WNT7B: variants seen among roughly 807,000 people sequenced by gnomAD.
WNT7B encodes Wnt family member 7B, also known as protein Wnt-7b.
WNT7B carries 19 observed loss-of-function variants against 38.2 expected under a neutral mutation model. That is an observed-to-expected ratio of 0.50 (90% CI 0.35 to 0.73). The LOEUF is 0.73. Ranked by LOEUF, WNT7B falls within the 30% of genes least tolerant of loss-of-function variation. WNT7B has a pLI of 0.01. For missense variants in WNT7B, 423 were observed against 507.9 expected, an observed-to-expected ratio of 0.83 and a Z score of 1.61; for synonymous variants, 243 against 209.3, an observed-to-expected ratio of 1.16 and a Z score of -1.39.
At position 45,976,767 on chromosome 22, in the gene WNT7B, G is replaced by T; in HGVS notation, c.-13C>A. ...AGTTTCTGTGCATGATCCAGGGAGGGGGGCTGCGCCATAGACAGCGGCGGC... is the reference window on the plus strand; with the variant it reads ...AGTTTCTGTGCATGATCCAGGGAGGTGGGCTGCGCCATAGACAGCGGCGGC... On this transcript the variant is annotated 5_prime_UTR_variant, in exon 1 of 4. Coordinates refer to ENST00000339464, the MANE Select transcript of WNT7B (RefSeq NM_058238.3). The surrounding 1 kb of genome is among the most constrained non-coding windows in gnomAD (Gnocchi z 8.5). 1 of 1,603,454 alleles carries T rather than the reference G, an allele frequency of 6.2e-7. No individual in the cohort carries two copies. Among genetic ancestry groups the T allele is most frequent in the Non-Finnish European group, 8.5e-7 (1 of 1,173,966 alleles).
rs1195325415 is a variant in WNT7B at position 45,976,189 on chromosome 22, C to G, written c.71+495G>C. ...AACACGTCTGGGTGATGGATAGAGA[C>G]GAAGGGCCGCGGCGGGTGCCCCGGC... On this transcript the variant is annotated intron_variant, in intron 1 of 3. Coordinates refer to ENST00000339464, the MANE Select transcript of WNT7B (RefSeq NM_058238.3). The surrounding 1 kb of genome is among the most constrained non-coding windows in gnomAD (Gnocchi z 8.5). Among the ~76,000 whole-genome samples, 1 of 145,980 alleles carries G rather than the reference C, an allele frequency of 6.9e-6. No individual in the cohort carries two copies. The highest frequency in any genetic ancestry group is 2.0e-4 in the East Asian group (1 of 5,014).
chr22:45,967,885 G>C (rs1350996780), intron 1 of WNT7B, among the ~76,000 whole-genome samples: 1 of 152,164 alleles, frequency 6.6e-6, no homozygotes, highest in East Asian at 1.9e-4. Context: ...GCTGGCTGGA[G>C]CCTGAGGCCC....
In WNT7B at chr22:45,939,670, C is replaced by CACACACAAAA. The variant is rs1417517350; in HGVS notation, c.299-8302_299-8301insTTTTGTGTGT. Among the ~76,000 whole-genome samples the CACACACAAAA allele has an allele frequency of 2.0e-5, 3 of 151,606 alleles. No individual in the cohort carries two copies. In the East Asian group the frequency reaches 5.8e-4, roughly 29 times the overall value. On this transcript the variant is annotated intron_variant, in intron 2 of 3. Coordinates refer to ENST00000339464, the MANE Select transcript of WNT7B (RefSeq NM_058238.3). The stretch of plus-strand genomic sequence containing the variant: ...ACACTCACACACACACACACACACA[C>CACACACAAAA]AAAAATAGCCAGGTGTGGTGGTGCA...
chr22:45,943,761 G>A (rs908129617), intron 2 of WNT7B, among the ~76,000 whole-genome samples: 12 of 152,176 alleles, frequency 7.9e-5, no homozygotes, highest in African/African-American at 1.4e-4. Context: ...GACCTGAGGC[G>A]GTCATGTGAC....
In WNT7B at chr22:45,927,063, C is replaced by T. The variant is rs531093406; in HGVS notation, c.571-3728G>A. Reference sequence around the variant, plus strand: ...ACCAAGAGAGGTGCCCTCAGCTGTCCGGACAACAGCCCCCAGGCCTCTGCA... The same window carrying T: ...ACCAAGAGAGGTGCCCTCAGCTGTCTGGACAACAGCCCCCAGGCCTCTGCA... On this transcript the variant is annotated intron_variant, in intron 3 of 3. Coordinates refer to ENST00000339464, the MANE Select transcript of WNT7B (RefSeq NM_058238.3). 2.9e-5 allele frequency: 29 copies of T among 985,444 alleles called. No homozygotes were observed. In the East Asian group the frequency reaches 7.9e-4, roughly 27 times the overall value. 61.0% of individuals were successfully genotyped at this position (985,444 alleles called of 1,614,324 possible).
At chr22:45,949,103 T>C (rs1931866986) in intron 2 of WNT7B, among the ~76,000 whole-genome samples, 1 of 152,096 alleles carries the variant, frequency 6.6e-6, no homozygotes, top group African/African-American at 2.4e-5. Flanking sequence ...AGTGCTGGGA[T>C]TACAGGCATG....
rs759932036 is a variant in WNT7B, at chr22:45,923,294, G to A, written c.612C>T (p.Gly204=). ...DRMQLECKCH[G]VSGSCTTKTC... is the part of the protein sequence containing the mutation. ...TTTTGGTGGTGCAGGAGCCAGACAC[G>A]CCGTGGCACTTGCACTCCAGCTGCA... Residue 204 remains glycine, a synonymous_variant, in exon 4 of 4, where the codon GGC becomes GGT. Transcript: ENST00000339464. 6.2e-6 allele frequency: 10 copies of A among 1,612,374 alleles called. No homozygotes were observed. The highest frequency in any genetic ancestry group is 7.6e-6 in the Non-Finnish European group (9 of 1,179,310).
At chr22:45,939,823 C>A (rs1364425886) in intron 2 of WNT7B, among the ~76,000 whole-genome samples, 1 of 152,194 alleles carries the variant, frequency 6.6e-6, no homozygotes, top group African/African-American at 2.4e-5. Context: ...GAGACCCTAT[C>A]TCAACCCCCA....
Position 45,966,044 on chromosome 22 carries a change from C to G in WNT7B, c.71+10640G>C, listed in dbSNP as rs1336871202. 6.6e-6 allele frequency among the ~76,000 whole-genome samples: 1 copy of G among 152,208 alleles called. No individual in the cohort carries two copies. The highest frequency in any genetic ancestry group is 2.4e-5 in the African/African-American group (1 of 41,456). On this transcript the variant is annotated intron_variant, in intron 1 of 3. Transcript: ENST00000339464. The surrounding 1 kb of genome is among the most constrained non-coding windows in gnomAD (Gnocchi z 4.2). Reference sequence around the variant, plus strand: ...CCCTGACCTCGTCTTCCTCACTCCACCACCTACCAAGGCAGACGGGCCTCT... The same window carrying G: ...CCCTGACCTCGTCTTCCTCACTCCAGCACCTACCAAGGCAGACGGGCCTCT...
At chr22:45,950,275 C>A (rs116902840) in intron 1 of WNT7B, 129 bp from the exon 2 acceptor site, 2 of 776,376 alleles carry the variant, frequency 2.6e-6, no homozygotes, top group East Asian at 5.4e-5. Context: ...AGGGCACAAG[C>A]AGATCCCTGC....
At chr22:45,931,987 C>T (rs563749364) in intron 2 of WNT7B, among the ~76,000 whole-genome samples, 4 of 152,252 alleles carry the variant, frequency 2.6e-5, no homozygotes, top group Admixed American at 6.5e-5. Flanking sequence ...GCCTTCAGTC[C>T]GTCTCCAGAT....
At chr22:45,943,898 C>G (rs542139088) in intron 2 of WNT7B, among the ~76,000 whole-genome samples, 136 of 152,270 alleles carry the variant, frequency 8.9e-4, no homozygotes, top group African/African-American at 3.0e-3. Flanking sequence ...GGGAGGGGCC[C>G]TACCCACCCC....
At chr22:45,925,476 C>T (rs1317390145) in intron 3 of WNT7B, 39 of 985,278 alleles carry the variant, frequency 4.0e-5, no homozygotes, top group South Asian at 4.7e-5. Context: ...TGGGGAATTG[C>T]AGGGCTAAGG....
intron 1 of WNT7B, among the ~76,000 whole-genome samples, chr22:45,969,696 C>A (rs1187776318): frequency 6.6e-6 from 1 of 152,232 alleles, no homozygotes; most frequent in Middle Eastern, 3.2e-3. Context: ...TCGGTGTGCA[C>A]CGACCACAGC....
Position 45,969,459 on chromosome 22 carries a change from C to T in WNT7B, c.71+7225G>A, listed in dbSNP as rs1295838248. Among the ~76,000 whole-genome samples the T allele has an allele frequency of 2.0e-5, 3 of 152,366 alleles. No homozygotes were observed. In the East Asian group the frequency reaches 5.8e-4, roughly 29 times the overall value. On this transcript the variant is annotated intron_variant, in intron 1 of 3. Coordinates refer to ENST00000339464, the MANE Select transcript of WNT7B (RefSeq NM_058238.3). ...AGCTGACCCAGCACCACAAGCCTTC[C>T]TCTTGGCCTGCAGTCCCCTACCTGC...
chr22:45,950,361 G>A (rs1195700209), intron 1 of WNT7B, among the ~76,000 whole-genome samples: 1 of 152,206 alleles, frequency 6.6e-6, no homozygotes, highest in Non-Finnish European at 1.5e-5. Flanking sequence ...ACTCACACGC[G>A]TGACCCCAGC....
At chr22:45,952,094 G>A (rs1931946898) in intron 1 of WNT7B, among the ~76,000 whole-genome samples, 1 of 152,214 alleles carries the variant, frequency 6.6e-6, no homozygotes, top group Non-Finnish European at 1.5e-5. Context: ...CAACAGATCA[G>A]GCCTGTTTAG....
chr22:45,971,217 C>T (rs1932429837), intron 1 of WNT7B, among the ~76,000 whole-genome samples: 2 of 133,076 alleles, frequency 1.5e-5, no homozygotes, highest in African/African-American at 5.9e-5. Context: ...CAGGCGACCC[C>T]GGACGTGGCC....
chr22:45,929,647 T>TC (rs1931240277), intron 3 of WNT7B, among the ~76,000 whole-genome samples: 1 of 88,184 alleles, frequency 1.1e-5, no homozygotes, highest in Admixed American at 1.3e-4. Flanking sequence ...CATCCACTCA[T>TC]CCATCCTTCC....
Sources: gnomAD v4.1 joint callset for allele counts (sites outside exome capture counted in the v4.1 genomes callset) on GRCh38, gnomAD v4.1.1 for gene constraint, Gnocchi (gnomAD v3.1) non-coding constraint, MANE v1.5 for transcripts, NCBI Gene and HGNC (gene_info 2026-07-23, HGNC 2026-07-21) for gene names.